Variants in PCDHGA5 observed in about 807,000 individuals in gnomAD.
PCDHGA5 encodes protocadherin gamma subfamily A, 5.
In PCDHGA5, 36 loss-of-function variants were observed where a neutral mutation model predicts 56.7. The observed-to-expected ratio is 0.64, with a 90% CI of 0.49 to 0.84. The LOEUF is 0.84. Ranked by LOEUF, PCDHGA5 falls within the 40% of genes least tolerant of loss-of-function variation. The pLI is 0.00. For missense variants in PCDHGA5, 1,305 were observed against 1,201.5 expected (o/e 1.09, Z -1.27); for synonymous variants, 563 against 520.2 (o/e 1.08, Z -1.12).
rs2097368013 is a variant in PCDHGA5 at position 141,431,382 on chromosome 5, A to G, written c.2422-63425A>G. 6 of 1,613,756 alleles carry G rather than the reference A, an allele frequency of 3.7e-6. No homozygotes were observed. In the East Asian group the frequency reaches 1.1e-4, roughly 30 times the overall value. On this transcript the variant is annotated intron_variant, in intron 1 of 3. Transcript: ENST00000518069. This position sits in a 1 kb window ranked among gnomAD's most constrained non-coding sequence, Gnocchi z 4.8. ...CTGGACCGCGAAGAAAAGGCTGCTC[A>G]CCACCTGGTCCTTACGGCCTCCGAC... is the stretch of plus-strand genomic sequence containing the variant.
intron 1 of PCDHGA5, chr5:141,367,617 A>T: frequency 6.6e-6 from 1 of 152,160 alleles, no homozygotes; most frequent in East Asian, 1.9e-4. Context: ...AACATGTAGC[A>T]TTCTAAAGTC....
chr5:141,386,716 C>A (rs2090679680), intron 1 of PCDHGA5, among the ~76,000 whole-genome samples: 1 of 152,024 alleles, frequency 6.6e-6, no homozygotes. Context: ...TTGCTGACAC[C>A]AACAATGTTA....
At chr5:141,502,815 TTTCC>T in intron 2 of PCDHGA5, among the ~76,000 whole-genome samples, 1 of 151,372 alleles carries the variant, frequency 6.6e-6, no homozygotes, top group East Asian at 1.9e-4. Context: ...TTCACTGTCT[TTTCC>T]TTGGGGAAGC....
intron 1 of PCDHGA5, chr5:141,371,091 G>A (rs1414973980): frequency 8.7e-6 from 14 of 1,613,670 alleles, no homozygotes; most frequent in Non-Finnish European, 1.1e-5. Context: ...GGTAATTGTC[G>A]CAGATGCAAA....
chr5:141,383,360 T>A (rs1319923403), intron 1 of PCDHGA5: 1 of 1,613,888 alleles, frequency 6.2e-7, no homozygotes, highest in Non-Finnish European at 8.5e-7. Flanking sequence ...CGGTTTCCGT[T>A]AAGCGAGGCT....
intron 1 of PCDHGA5, chr5:141,478,265 G>C: frequency 1.2e-6 from 2 of 1,614,196 alleles, no homozygotes; most frequent in Non-Finnish European, 1.7e-6. Flanking sequence ...CATATTCAAA[G>C]TTTACAAGTG....
chr5:141,492,558 G>A (rs879634396), intron 1 of PCDHGA5, among the ~76,000 whole-genome samples: 1 of 152,236 alleles, frequency 6.6e-6, no homozygotes, highest in South Asian at 2.1e-4. Context: ...CGCCTGGGGG[G>A]CGGCCTGAGC....
rs116140192 is a variant in PCDHGA5, at chr5:141,497,400, A to C, written c.2480+2535A>C. Among the ~76,000 whole-genome samples, 87 of 152,110 alleles carry C rather than the reference A, an allele frequency of 5.7e-4. 1 individual carries two copies. Among genetic ancestry groups the C allele is most frequent in the African/African-American group, 2.0e-3 (82 of 41,484 alleles). ...GGGGTGAGCACCTTACCCCTGCCTCAACTCCCATTCCATCAAATGAGAGGC... is the reference window on the plus strand; with the variant it reads ...GGGGTGAGCACCTTACCCCTGCCTCCACTCCCATTCCATCAAATGAGAGGC... On this transcript the variant is annotated intron_variant, in intron 2 of 3. Coordinates refer to ENST00000518069, the MANE Select transcript of PCDHGA5 (RefSeq NM_018918.3).
chr5:141,418,527 G>A, intron 1 of PCDHGA5: 2 of 1,614,018 alleles, frequency 1.2e-6, no homozygotes, highest in South Asian at 1.1e-5. Flanking sequence ...CCTCCCCGAA[G>A]CGGTACTGCT....
At position 141,477,460 on chromosome 5, in the gene PCDHGA5, C is replaced by T; in HGVS notation, c.2422-17347C>T. 6.2e-7 allele frequency: 1 copy of T among 1,614,132 alleles called. No individual in the cohort carries two copies. Among genetic ancestry groups the T allele is most frequent in the Non-Finnish European group, 8.5e-7 (1 of 1,180,020 alleles). On this transcript the variant is annotated intron_variant, in intron 1 of 3. Transcript: ENST00000518069. The surrounding 1 kb of genome is among the most constrained non-coding windows in gnomAD (Gnocchi z 4.9). ...TTACAATAGTGCGTGTTCAAGTGTC[C>T]GACATCAATGACAACCCTCCACAAT...
intron 1 of PCDHGA5, among the ~76,000 whole-genome samples, chr5:141,373,744 G>C (rs10061034): frequency 0.027 from 4,169 of 152,204 alleles, 185 homozygotes; most frequent in African/African-American, 0.096. Flanking sequence ...TCATTATCTT[G>C]GGGAGGGAAA....
rs1191838027 is a variant in PCDHGA5 at position 141,365,935 on chromosome 5, C to T, written c.1605C>T (p.Ser535=). 6.2e-7 allele frequency: 1 copy of T among 1,614,222 alleles called. No homozygotes were observed. The highest frequency in any genetic ancestry group is 8.5e-7 in the Non-Finnish European group (1 of 1,180,044). ...ACCTACAGTTGTGGGTGACAGCCAG[C>T]GACAGTGGGAACCCTCCACTTAGCA... ...LRDLQLWVTA[S]DSGNPPLSSN... Residue 535 remains serine (S), a synonymous_variant, in exon 1 of 4, where the codon AGC becomes AGT. Transcript: ENST00000518069.
intron 1 of PCDHGA5, among the ~76,000 whole-genome samples, chr5:141,438,747 T>C (rs2098059577): frequency 6.7e-6 from 1 of 148,680 alleles, no homozygotes. Flanking sequence ...CTGCAACCTC[T>C]GCCTCCTGGG....
chr5:141,508,919 C>T (rs1166086266), intron 3 of PCDHGA5, among the ~76,000 whole-genome samples: 1 of 151,996 alleles, frequency 6.6e-6, no homozygotes, highest in Non-Finnish European at 1.5e-5. Context: ...GATCTGGCTT[C>T]CTTTTGGAGT....
At chr5:141,414,452 T>G in intron 1 of PCDHGA5, 1 of 1,613,886 alleles carries the variant, frequency 6.2e-7, no homozygotes, top group Non-Finnish European at 8.5e-7. Context: ...AATATCACAG[T>G]GACAGCCACA....
chr5:141,404,995 T>A (rs1561697585), intron 1 of PCDHGA5: 1 of 1,614,008 alleles, frequency 6.2e-7, no homozygotes, highest in Non-Finnish European at 8.5e-7. Context: ...TTCAGATCCC[T>A]GCAGACCTGG....
In PCDHGA5 at chr5:141,372,102, G is replaced by A. The variant is rs200898659; in HGVS notation, c.2421+5351G>A. The stretch of plus-strand genomic sequence containing the variant: ...GGTGCTGTACCCAGCTCTGGGGCCC[G>A]AAGGCTCTGCGCTCTTCGATATGGT... On this transcript the variant is annotated intron_variant, in intron 1 of 3. Coordinates refer to ENST00000518069, the MANE Select transcript of PCDHGA5 (RefSeq NM_018918.3). 5.0e-5 allele frequency: 81 copies of A among 1,613,784 alleles called. No homozygotes were observed. The African/African-American group carries it at 1.0e-3, about 20-fold the overall frequency.
chr5:141,409,729 G>GCAGAGC (rs1178571616), intron 1 of PCDHGA5: 2 of 1,612,966 alleles, frequency 1.2e-6, no homozygotes, highest in African/African-American at 2.7e-5. Context: ...CAGTGAGCGC[G>GCAGAGC]CAGAGCGGGG....
intron 1 of PCDHGA5, chr5:141,417,858 C>T (rs561149517): frequency 6.5e-7 from 1 of 1,547,240 alleles, no homozygotes. Flanking sequence ...CCCGAGCGAA[C>T]GATGGGAGGG....
Sources: allele counts gnomAD v4.1 joint callset (sites outside exome capture counted in the v4.1 genomes callset), GRCh38; gene constraint gnomAD v4.1.1; non-coding constraint Gnocchi (gnomAD v3.1); transcripts MANE v1.5; gene names NCBI Gene and HGNC (gene_info 2026-07-23, HGNC 2026-07-21).